Variants in GUCY1A2 observed in about 807,000 individuals in gnomAD.
GUCY1A2 encodes the protein guanylate cyclase 1 soluble subunit alpha 2, also known as guanylate cyclase soluble subunit alpha-2.
Under a neutral mutation model 63.5 loss-of-function variants are expected in GUCY1A2, and 27 were observed. The ratio of observed to expected loss-of-function variants is 0.43; its 90% CI spans 0.31 to 0.59. GUCY1A2 has a LOEUF of 0.59. GUCY1A2 is among the 20% of genes least tolerant of loss of function. The pLI, the probability that GUCY1A2 is intolerant of heterozygous loss-of-function variation, is 0.11. For missense variants in GUCY1A2, 768 were observed against 913.3 expected (o/e 0.84, Z 2.05); for synonymous variants, 364 against 343.5 (o/e 1.06, Z -0.66).
chr11:106,675,425 T>G lies in GUCY1A2; in HGVS notation c.*12124A>C, dbSNP rs571204614. 6 of 200,576 alleles carry G rather than the reference T, an allele frequency of 3.0e-5. No homozygotes were observed. In the Admixed American group the frequency reaches 3.0e-4, roughly 10 times the overall value. 12.4% of individuals were successfully genotyped at this position (200,576 alleles called of 1,614,324 possible). On this transcript the variant is annotated 3_prime_UTR_variant, in exon 8 of 8. Coordinates refer to ENST00000526355, the MANE Select transcript of GUCY1A2 (RefSeq NM_000855.3). ...ATGATGATGTGAATTCATTTCCGCA[T>G]AGTCGGAATAATTTTTGCTCCAAAT... is the stretch of plus-strand genomic sequence containing the variant.
intron 5 of GUCY1A2, among the ~76,000 whole-genome samples, chr11:106,781,773 G>T (rs1453409839): frequency 2.0e-5 from 3 of 149,606 alleles, no homozygotes; most frequent in Admixed American, 6.7e-5. Flanking sequence ...TCACCATGTT[G>T]CCCAGGCTAG....
intron 4 of GUCY1A2, chr11:106,827,421 G>C: frequency 6.8e-7 from 1 of 1,471,174 alleles, no homozygotes; most frequent in East Asian, 2.3e-5. Context: ...ACTCAAGTGC[G>C]ATACCACCGT....
chr11:106,909,710 A>G (rs1188936141), intron 4 of GUCY1A2, among the ~76,000 whole-genome samples: 1 of 152,034 alleles, frequency 6.6e-6, no homozygotes, highest in East Asian at 1.9e-4. Flanking sequence ...ATGGCTGAGT[A>G]GTATTCCATC....
rs566965662 is a variant in GUCY1A2, at chr11:106,915,360, T to C, written c.1206+24100A>G. Reference sequence around the variant, plus strand: ...GGGACAGGGAGGGAGGGATTGGGCATACTCTGTTACAAGGTATCTGTACTA... The same window carrying C: ...GGGACAGGGAGGGAGGGATTGGGCACACTCTGTTACAAGGTATCTGTACTA... On this transcript the variant is annotated intron_variant, in intron 4 of 7. Transcript: ENST00000526355. Among the ~76,000 whole-genome samples, 133 of 152,060 alleles carry C rather than the reference T, an allele frequency of 8.7e-4. 1 individual carries two copies. The highest frequency in any genetic ancestry group is 1.6e-3 in the Non-Finnish European group (111 of 67,994).
chr11:106,825,880 T>C (rs1858962738), intron 4 of GUCY1A2, among the ~76,000 whole-genome samples: 1 of 152,234 alleles, frequency 6.6e-6, no homozygotes, highest in Admixed American at 6.5e-5. Flanking sequence ...GACAAGCTTG[T>C]AGATGATTTC....
chr11:106,815,886 C>T (rs891373495), intron 4 of GUCY1A2, among the ~76,000 whole-genome samples: 3 of 151,876 alleles, frequency 2.0e-5, no homozygotes, highest in African/African-American at 7.2e-5. Flanking sequence ...TCAAGACCTG[C>T]CAGCAGCCAC....
chr11:106,755,324 G>T (rs984180050), intron 6 of GUCY1A2, among the ~76,000 whole-genome samples: 1 of 151,432 alleles, frequency 6.6e-6, no homozygotes, highest in East Asian at 1.9e-4. Flanking sequence ...TTTTTGAAGG[G>T]TTTTTTTTGT....
Position 106,767,821 on chromosome 11 carries a change from A to G in GUCY1A2, c.1836+8618T>C, listed in dbSNP as rs75149564. Among the ~76,000 whole-genome samples, 1,251 of 152,274 alleles carry G rather than the reference A, an allele frequency of 8.2e-3. 21 individuals are homozygous for G. Among genetic ancestry groups the G allele is most frequent in the African/African-American group, 0.027 (1,118 of 41,580 alleles). ...GATCTGTCTATAAATAAATTTGTGT[A>G]TTAAAGTTCAGCACTATAGCATCAT... is the stretch of plus-strand genomic sequence containing the variant. On this transcript the variant is annotated intron_variant, in intron 6 of 7. Transcript: ENST00000526355.
intron 4 of GUCY1A2, among the ~76,000 whole-genome samples, chr11:106,847,217 G>T: frequency 8.5e-6 from 1 of 117,704 alleles, no homozygotes. Context: ...TTGTTATAGT[G>T]ATATTGCAAA....
chr11:106,898,404 A>G (rs1860080565), intron 4 of GUCY1A2, among the ~76,000 whole-genome samples: 1 of 152,224 alleles, frequency 6.6e-6, no homozygotes. Flanking sequence ...ATGGATGTTT[A>G]TAGCAGGTTT....
chr11:106,871,036 G>A (rs1859670345), intron 4 of GUCY1A2, among the ~76,000 whole-genome samples: 1 of 151,786 alleles, frequency 6.6e-6, no homozygotes, highest in Non-Finnish European at 1.5e-5. Flanking sequence ...TATTTCCAGT[G>A]TCTAGCTTAG....
chr11:106,826,746 T>C, intron 4 of GUCY1A2: 1 of 1,610,854 alleles, frequency 6.2e-7, no homozygotes, highest in Non-Finnish European at 8.5e-7. Context: ...CTGCATACCA[T>C]CCCATCTGTC....
chr11:106,945,030 G>A (rs1276386379), intron 3 of GUCY1A2, among the ~76,000 whole-genome samples: 3 of 151,702 alleles, frequency 2.0e-5, no homozygotes, highest in Non-Finnish European at 4.4e-5. Context: ...ATTACAGAGA[G>A]AATTTCCCCT....
rs1053122717 is a variant in GUCY1A2, at chr11:106,918,716, T to C, written c.1206+20744A>G. On this transcript the variant is annotated intron_variant, in intron 4 of 7. Coordinates refer to ENST00000526355, the MANE Select transcript of GUCY1A2 (RefSeq NM_000855.3). ...AACAACTAAAGACAGAAAAGATTTA[T>C]TGTGCACACTTCATCTCATGACAAG... Among the ~76,000 whole-genome samples the C allele has an allele frequency of 2.1e-5, 3 of 145,786 alleles. 1 individual carries two copies. The highest frequency in any genetic ancestry group is 1.5e-5 in the Non-Finnish European group (1 of 64,854).
chr11:106,998,966 A>C (rs1861578411), intron 1 of GUCY1A2, among the ~76,000 whole-genome samples: 1 of 152,284 alleles, frequency 6.6e-6, no homozygotes, highest in African/African-American at 2.4e-5. Flanking sequence ...TGGCTGACTG[A>C]GAGATCCCAG....
chr11:106,874,156 T>A (rs569285182), intron 4 of GUCY1A2, among the ~76,000 whole-genome samples: 1 of 152,302 alleles, frequency 6.6e-6, no homozygotes, highest in South Asian at 2.1e-4. Context: ...TGTCTTCTAA[T>A]TAATATGTAA....
chr11:106,770,621 A>G (rs1034113842), intron 6 of GUCY1A2, among the ~76,000 whole-genome samples: 1 of 151,886 alleles, frequency 6.6e-6, no homozygotes, highest in African/African-American at 2.4e-5. Flanking sequence ...TTATTGCATA[A>G]TCTCAAAAAA....
rs540322607 is a variant in GUCY1A2, at chr11:106,805,713, G to T, written c.1692+4280C>A. The stretch of plus-strand genomic sequence containing the variant: ...ACTTTCCATAGGAGGAATGAAGACA[G>T]AGGTGCTGGCTGGTTTCTAACAAAG... On this transcript the variant is annotated intron_variant, in intron 5 of 7. Coordinates refer to ENST00000526355, the MANE Select transcript of GUCY1A2 (RefSeq NM_000855.3). 2.0e-5 allele frequency among the ~76,000 whole-genome samples: 3 copies of T among 152,302 alleles called. No homozygotes were observed. In the East Asian group the frequency reaches 5.8e-4, roughly 29 times the overall value.
Position 106,676,932 on chromosome 11 carries a change from C to T in GUCY1A2, c.*10617G>A, listed in dbSNP as rs1013005038. 1.4e-5 allele frequency: 3 copies of T among 208,400 alleles called. No individual in the cohort carries two copies. Among genetic ancestry groups the T allele is most frequent in the African/African-American group, 6.8e-5 (3 of 43,956 alleles). 12.9% of individuals were successfully genotyped at this position (208,400 alleles called of 1,614,324 possible). On this transcript the variant is annotated 3_prime_UTR_variant, in exon 8 of 8. Coordinates refer to ENST00000526355, the MANE Select transcript of GUCY1A2 (RefSeq NM_000855.3). ...TTTAAATTCAATGAAAATGAACACA[C>T]ATAGATTTTTATAGACCCACATTTC...
Sources: gnomAD v4.1 joint callset for allele counts (sites outside exome capture counted in the v4.1 genomes callset) on GRCh38, gnomAD v4.1.1 for gene constraint, MANE v1.5 for transcripts, NCBI Gene and HGNC (gene_info 2026-07-23, HGNC 2026-07-21) for gene names.